PPP2R2D: variants seen among roughly 807,000 people sequenced by gnomAD.
The protein encoded by PPP2R2D is serine/threonine-protein phosphatase 2A 55 kDa regulatory subunit B delta isoform.
PPP2R2D carries 9 observed loss-of-function variants against 31.1 expected under a neutral mutation model. That is an observed-to-expected ratio of 0.29 (90% CI 0.17 to 0.51). PPP2R2D has a LOEUF of 0.51. PPP2R2D is among the 20% of genes least tolerant of loss of function. The pLI is 0.98. For missense variants in PPP2R2D, 391 were observed against 465.6 expected, an observed-to-expected ratio of 0.84 and a Z score of 1.48; for synonymous variants, 179 against 172.6, an observed-to-expected ratio of 1.04 and a Z score of -0.29.
chr10:131,963,492 CA>C (rs1203420362), downstream of PPP2R2D, among the ~76,000 whole-genome samples: 2 of 152,228 alleles, frequency 1.3e-5, no homozygotes, highest in African/African-American at 2.4e-5. Context: ...CCCGTTTCTA[CA>C]CATCGGGTAG....
rs1275776704 is a variant in PPP2R2D, at chr10:131,945,089, G to A, written c.656-206G>A. ...GCTTGTCTGTGTCTCCCCCTGGGCC[G>A]GGGCGTTGCTGTAGTCTGAGTGTGC... On this transcript the variant is annotated intron_variant, in intron 6 of 8. Coordinates refer to ENST00000455566, the MANE Select transcript of PPP2R2D (RefSeq NM_018461.5). This position sits in a 1 kb window ranked among gnomAD's most constrained non-coding sequence, Gnocchi z 4.8. 5.3e-5 allele frequency among the ~76,000 whole-genome samples: 8 copies of A among 152,162 alleles called. No homozygotes were observed. The highest frequency in any genetic ancestry group is 7.4e-5 in the Non-Finnish European group (5 of 68,022).
intron 8 of PPP2R2D, among the ~76,000 whole-genome samples, chr10:131,953,293 G>T (rs2036722283): frequency 2.6e-5 from 3 of 115,486 alleles, no homozygotes; most frequent in South Asian, 3.2e-4. Context: ...GTATGCGGGG[G>T]TTCACTGTCT....
At chr10:131,923,514 A>T (rs1554894522) in intron 2 of PPP2R2D, among the ~76,000 whole-genome samples, 1 of 152,136 alleles carries the variant, frequency 6.6e-6, no homozygotes, top group East Asian at 1.9e-4. Flanking sequence ...GTATTTGTGG[A>T]ACTGCCAAAC....
downstream of PPP2R2D, among the ~76,000 whole-genome samples, chr10:131,964,670 T>TG (rs1160684651): frequency 2.7e-5 from 4 of 150,624 alleles, no homozygotes; most frequent in African/African-American, 7.4e-5. Flanking sequence ...TACTATGTTT[T>TG]TTTTTTTTTT....
At chr10:131,902,486 A>G (rs915368954) in intron 2 of PPP2R2D, among the ~76,000 whole-genome samples, 4 of 152,206 alleles carry the variant, frequency 2.6e-5, no homozygotes, top group Non-Finnish European at 5.9e-5. Flanking sequence ...AACAGGGCCT[A>G]GGTTATTAAG....
intron 2 of PPP2R2D, 147 bp from the exon 3 acceptor site, chr10:131,934,311 T>C: frequency 1.7e-6 from 1 of 586,900 alleles, no homozygotes; most frequent in Non-Finnish European, 3.1e-6. Context: ...CACTTGGTAA[T>C]TACAAGTTTG....
chr10:131,953,571 T>G (rs376728391), intron 8 of PPP2R2D, among the ~76,000 whole-genome samples: 1 of 122,898 alleles, frequency 8.1e-6, no homozygotes. Flanking sequence ...TGTGTGGGGG[T>G]CACTGTCTTA....
intron 2 of PPP2R2D, among the ~76,000 whole-genome samples, chr10:131,921,394 C>G (rs782759853): frequency 1.3e-5 from 2 of 152,108 alleles, no homozygotes; most frequent in Admixed American, 6.5e-5. Context: ...AGAGTTCATC[C>G]GTTGCCATTT....
rs148700699 is a variant in PPP2R2D at position 131,933,100 on chromosome 10, C to T, written c.101-1358C>T. Among the ~76,000 whole-genome samples, 22 of 152,240 alleles carry T rather than the reference C, an allele frequency of 1.4e-4. No homozygotes were observed. The East Asian group carries it at 4.1e-3, about 28-fold the overall frequency. ...GTTATTTTCAGTAATTTAATAGTGA[C>T]GCTTCTAAGAAACAACCTAATCCTT... On this transcript the variant is annotated intron_variant, in intron 2 of 8. Coordinates refer to ENST00000455566, the MANE Select transcript of PPP2R2D (RefSeq NM_018461.5).
intron 2 of PPP2R2D, among the ~76,000 whole-genome samples, chr10:131,928,185 C>G (rs561405611): frequency 2.6e-5 from 4 of 152,320 alleles, no homozygotes; most frequent in African/African-American, 7.2e-5. Context: ...CATCTGCCTA[C>G]TAGCCTAGGG....
intron 8 of PPP2R2D, among the ~76,000 whole-genome samples, chr10:131,948,342 CG>C (rs1219798497): frequency 6.5e-5 from 5 of 76,938 alleles, no homozygotes; most frequent in East Asian, 6.8e-4. Context: ...TTGAGAGTTA[CG>C]TTTTTTTTAT....
rs372106431 is a variant in PPP2R2D, at chr10:131,948,576, C to CA, written c.1082+786dup. Among the ~76,000 whole-genome samples, 402 of 152,308 alleles carry CA rather than the reference C, an allele frequency of 2.6e-3. 5 individuals carry two copies. Among genetic ancestry groups the CA allele is most frequent in the African/African-American group, 9.1e-3 (380 of 41,562 alleles). ...GCTCACAGATAAGCAAGGGAAATCT[C>CA]ACAACGGCCAGAAACTAAGAGGGAG... On this transcript the variant is annotated intron_variant, in intron 8 of 8. Transcript: ENST00000455566.
At chr10:131,914,663 G>A (rs1209090950) in intron 2 of PPP2R2D, among the ~76,000 whole-genome samples, 2 of 152,142 alleles carry the variant, frequency 1.3e-5, no homozygotes, top group Non-Finnish European at 1.5e-5. Context: ...GCCCCTCGGA[G>A]AGCAGTCTGT....
At chr10:131,904,774 G>A (rs1430930254) in intron 2 of PPP2R2D, among the ~76,000 whole-genome samples, 1 of 152,190 alleles carries the variant, frequency 6.6e-6, no homozygotes, top group Non-Finnish European at 1.5e-5. Context: ...CCTGACTTCA[G>A]TGGGGTGATG....
At chr10:131,942,035 T>C (rs951371891) in intron 5 of PPP2R2D, among the ~76,000 whole-genome samples, 7 of 152,192 alleles carry the variant, frequency 4.6e-5, no homozygotes, top group African/African-American at 1.7e-4. Flanking sequence ...ACACGAGTTG[T>C]GCAGTTCCAT....
At position 131,956,398 on chromosome 10, in the gene PPP2R2D, G is replaced by T. The variant is rs41290019; in HGVS notation, c.*435G>T. On this transcript the variant is annotated 3_prime_UTR_variant, in exon 9 of 9. Transcript: ENST00000455566. ...GTGTGGCCACCGTCCGTGTCCTCTC[G>T]GCCTTCCTCCGAGTCCAGGTGGACT... 2.0e-6 allele frequency: 2 copies of T among 986,032 alleles called. No homozygotes were observed. Among genetic ancestry groups the T allele is most frequent in the Non-Finnish European group, 2.4e-6 (2 of 830,436 alleles). The allele number at this position is 986,032 out of a possible 1,614,324, so 61.1% of individuals were successfully genotyped here. A position where few individuals can be genotyped will look rare whatever the true frequency, so the allele number is the denominator to read the frequency against.
chr10:131,945,227 C>A lies in PPP2R2D; in HGVS notation c.656-68C>A, dbSNP rs897815986. 53 of 1,526,190 alleles carry A rather than the reference C, an allele frequency of 3.5e-5. No individual in the cohort carries two copies. In the African/African-American group the frequency reaches 6.2e-4, roughly 18 times the overall value. The allele number at this position is 1,526,190 out of a possible 1,614,324, so 94.5% of individuals were successfully genotyped here. On this transcript the variant is annotated intron_variant, in intron 6 of 8. Transcript: ENST00000455566. This position sits in a 1 kb window ranked among gnomAD's most constrained non-coding sequence, Gnocchi z 4.8. ...GTGGATTATTTGGCGTCCTATTTCG[C>A]GTGACTGAATGTAGACTAATTAACA...
At chr10:131,911,874 G>A (rs1458317095) in intron 2 of PPP2R2D, 1 of 152,150 alleles carries the variant, frequency 6.6e-6, no homozygotes, top group Non-Finnish European at 1.5e-5. Context: ...AGATTGTACT[G>A]GTTTTGTCTC....
chr10:131,929,606 A>C (rs1359262782), intron 2 of PPP2R2D, among the ~76,000 whole-genome samples: 2 of 151,686 alleles, frequency 1.3e-5, no homozygotes, highest in African/African-American at 2.4e-5. Context: ...ACCCTCCCTC[A>C]TGCCTCGTGG....
Sources: allele counts gnomAD v4.1 joint callset (sites outside exome capture counted in the v4.1 genomes callset), GRCh38; gene constraint gnomAD v4.1.1; non-coding constraint Gnocchi (gnomAD v3.1); transcripts MANE v1.5; gene names NCBI Gene and HGNC (gene_info 2026-07-23, HGNC 2026-07-21).